Variants in MVB12B observed in about 807,000 individuals in gnomAD.
MVB12B encodes ESCRT-I complex subunit MVB12B.
MVB12B carries 16 observed loss-of-function variants against 41.6 expected under a neutral mutation model. The ratio of observed to expected loss-of-function variants is 0.38; its 90% CI spans 0.26 to 0.58. The LOEUF (loss-of-function observed/expected upper bound fraction) is 0.58, where lower values mean the gene tolerates loss of function less well. Ranked by LOEUF, MVB12B falls within the 20% of genes least tolerant of loss-of-function variation. MVB12B has a pLI of 0.62. For missense variants in MVB12B, 274 were observed against 380.2 expected, an observed-to-expected ratio of 0.72 and a Z score of 2.32; for synonymous variants, 133 against 139.7, an observed-to-expected ratio of 0.95 and a Z score of 0.34.
At chr9:126,430,809 C>G (rs1050522968) in intron 7 of MVB12B, among the ~76,000 whole-genome samples, 3 of 152,210 alleles carry the variant, frequency 2.0e-5, no homozygotes, top group African/African-American at 7.2e-5. Context: ...AGGTTGTGCA[C>G]TGCACAAAAT....
intron 9 of MVB12B, among the ~76,000 whole-genome samples, chr9:126,490,223 C>G (rs1165458072): frequency 6.6e-6 from 1 of 152,140 alleles, no homozygotes; most frequent in Non-Finnish European, 1.5e-5. Context: ...CTCTGCAGTC[C>G]AGGCGGGAGC....
At chr9:126,497,048 G>T (rs1833851828) in intron 9 of MVB12B, among the ~76,000 whole-genome samples, 2 of 152,178 alleles carry the variant, frequency 1.3e-5, no homozygotes, top group African/African-American at 4.8e-5. Context: ...GAAGAGACTG[G>T]ACTGGCAGAT....
chr9:126,387,647 T>C (rs546323289), intron 4 of MVB12B, among the ~76,000 whole-genome samples: 1 of 152,368 alleles, frequency 6.6e-6, no homozygotes, highest in South Asian at 2.1e-4. Flanking sequence ...CAACATTGGA[T>C]TGCTTTTTGT....
chr9:126,421,698 G>A (rs1318027753), intron 6 of MVB12B, among the ~76,000 whole-genome samples, 156 bp from the exon 7 acceptor site: 1 of 152,178 alleles, frequency 6.6e-6, no homozygotes, highest in Non-Finnish European at 1.5e-5. Flanking sequence ...GAGCCCAGTG[G>A]AGGAGTTATG....
chr9:126,500,152 C>T (rs1042612595), intron 9 of MVB12B, among the ~76,000 whole-genome samples: 1 of 152,000 alleles, frequency 6.6e-6, no homozygotes, highest in Non-Finnish European at 1.5e-5. Flanking sequence ...GCCGGCCAGC[C>T]CTCAGCACTC....
At chr9:126,475,420 A>G (rs1833401797) in intron 7 of MVB12B, among the ~76,000 whole-genome samples, 1 of 152,230 alleles carries the variant, frequency 6.6e-6, no homozygotes, top group African/African-American at 2.4e-5. Context: ...AGCCAGCTGT[A>G]TTTATCCATC....
intron 7 of MVB12B, among the ~76,000 whole-genome samples, chr9:126,426,364 G>T (rs1413476138): frequency 6.6e-6 from 1 of 152,152 alleles, no homozygotes. Context: ...TGTGACCCCT[G>T]TAGCTTTGTG....
At chr9:126,387,414 G>T (rs1830829000) in intron 4 of MVB12B, among the ~76,000 whole-genome samples, 1 of 152,146 alleles carries the variant, frequency 6.6e-6, no homozygotes, top group South Asian at 2.1e-4. Context: ...ACGACTCAGG[G>T]TTTATTTATT....
chr9:126,480,484 C>G lies in MVB12B; in HGVS notation c.758-885C>G, dbSNP rs1416828023. On this transcript the variant is annotated intron_variant, in intron 7 of 9. Transcript: ENST00000361171. This position sits in a 1 kb window ranked among gnomAD's most constrained non-coding sequence, Gnocchi z 4.9. ...AAGTGCTCACTTACGGAGGCACACC[C>G]TGGGTCGTTTCTGTCCGTGTGCTTT... is the stretch of plus-strand genomic sequence containing the variant. Among the ~76,000 whole-genome samples the G allele has an allele frequency of 6.6e-6, 1 of 152,198 alleles. No individual in the cohort carries two copies. The highest frequency in any genetic ancestry group is 6.5e-5 in the Admixed American group (1 of 15,290).
At chr9:126,465,329 G>A (rs1833176950) in intron 7 of MVB12B, among the ~76,000 whole-genome samples, 1 of 152,142 alleles carries the variant, frequency 6.6e-6, no homozygotes, top group South Asian at 2.1e-4. Flanking sequence ...AATCACCGGG[G>A]AGCTTTGAAA....
In MVB12B at chr9:126,333,088, T is replaced by C. The variant is rs1362746736; in HGVS notation, c.81+6078T>C. Among the ~76,000 whole-genome samples the C allele has an allele frequency of 6.6e-6, 1 of 151,946 alleles. No homozygotes were observed. Among genetic ancestry groups the C allele is most frequent in the Non-Finnish European group, 1.5e-5 (1 of 67,992 alleles). On this transcript the variant is annotated intron_variant, in intron 1 of 9. Transcript: ENST00000361171. This position sits in a 1 kb window ranked among gnomAD's most constrained non-coding sequence, Gnocchi z 4.7. ...GAATGGAAGATGTGACCCTGGTGTT[T>C]TGTTTTGTTTTTTTTTGAGACAGAC...
Position 126,428,843 on chromosome 9 carries a change from G to A in MVB12B, c.757+6895G>A, listed in dbSNP as rs12005471. ...CTTCTGGTGCAAGCCCCTGAGTAGT[G>A]TTAGCCTCTGCTTTCACAGGGGTCC... On this transcript the variant is annotated intron_variant, in intron 7 of 9. Coordinates refer to ENST00000361171, the MANE Select transcript of MVB12B (RefSeq NM_033446.3). 3.6e-3 allele frequency among the ~76,000 whole-genome samples: 554 copies of A among 152,264 alleles called. 2 individuals carry two copies. Among genetic ancestry groups the A allele is most frequent in the African/African-American group, 0.013 (533 of 41,540 alleles).
chr9:126,430,009 T>C (rs746157809), intron 7 of MVB12B, among the ~76,000 whole-genome samples: 5 of 152,196 alleles, frequency 3.3e-5, no homozygotes, highest in Non-Finnish European at 5.9e-5. Flanking sequence ...TCACTTAGAA[T>C]GCAGGGCCCA....
At chr9:126,449,079 C>T (rs761785745) in intron 7 of MVB12B, among the ~76,000 whole-genome samples, 8 of 152,046 alleles carry the variant, frequency 5.3e-5, no homozygotes, top group South Asian at 4.1e-4. Context: ...CCAATGCTCC[C>T]GTCAGCTGCC....
At chr9:126,469,184 A>T (rs1833261737) in intron 7 of MVB12B, among the ~76,000 whole-genome samples, 1 of 152,154 alleles carries the variant, frequency 6.6e-6, no homozygotes, top group South Asian at 2.1e-4. Context: ...TCTAAAAAAT[A>T]AAAAAATAAT....
intron 9 of MVB12B, among the ~76,000 whole-genome samples, chr9:126,502,911 G>T (rs989366924): frequency 2.2e-4 from 34 of 152,332 alleles, no homozygotes; most frequent in Non-Finnish European, 8.8e-5. Context: ...GCCTCACAGG[G>T]AGCAGGCAGG....
chr9:126,462,999 G>A (rs987972390), intron 7 of MVB12B, among the ~76,000 whole-genome samples: 2 of 152,232 alleles, frequency 1.3e-5, no homozygotes, highest in Non-Finnish European at 2.9e-5. Context: ...GCACATCCCT[G>A]CTATTTCCAG....
At chr9:126,399,753 G>C (rs530262996) in intron 6 of MVB12B, among the ~76,000 whole-genome samples, 1 of 152,314 alleles carries the variant, frequency 6.6e-6, no homozygotes, top group East Asian at 1.9e-4. Flanking sequence ...CAGCCCTCTA[G>C]CTCAGCAAGC....
chr9:126,393,440 A>G (rs1459421741), intron 5 of MVB12B, among the ~76,000 whole-genome samples: 1 of 152,228 alleles, frequency 6.6e-6, no homozygotes, highest in East Asian at 1.9e-4. Context: ...TGTTCCTGAC[A>G]GTTCAAAAGA....
Sources: gnomAD v4.1 joint callset for allele counts (sites outside exome capture counted in the v4.1 genomes callset) on GRCh38, gnomAD v4.1.1 for gene constraint, Gnocchi (gnomAD v3.1) non-coding constraint, MANE v1.5 for transcripts, NCBI Gene and HGNC (gene_info 2026-07-23, HGNC 2026-07-21) for gene names.